The following PXK variants were observed in gnomAD, a reference collection of about 807,000 sequenced individuals.
PXK encodes the protein PX domain-containing protein kinase-like protein.
PXK carries 35 observed loss-of-function variants against 84.7 expected under a neutral mutation model. That is an observed-to-expected ratio of 0.41 (90% CI 0.32 to 0.55). The LOEUF is 0.55. Among genes scored for constraint, PXK ranks in the 20% least tolerant of loss-of-function variants. The pLI, the probability that PXK is intolerant of heterozygous loss-of-function variation, is 0.21. For synonymous variants in PXK, 253 were observed against 260.8 expected (o/e 0.97, Z 0.29); for missense variants, 634 against 699.7 (o/e 0.91, Z 1.06).
At chr3:58,372,950 G>A (rs561054795) in intron 3 of PXK, among the ~76,000 whole-genome samples, 169 of 152,232 alleles carry the variant, frequency 1.1e-3, no homozygotes, top group African/African-American at 3.9e-3. Flanking sequence ...AGCATACAAC[G>A]AAGGGAAAGA....
At chr3:58,406,684 A>G (rs11706420) in intron 13 of PXK, among the ~76,000 whole-genome samples, 10,683 of 152,238 alleles carry the variant, frequency 0.07, 476 homozygotes, top group South Asian at 0.1. Flanking sequence ...AGGTCTCTAG[A>G]GCTTACAACC....
At chr3:58,402,277 T>A (rs1218099731) in intron 12 of PXK, among the ~76,000 whole-genome samples, 5 of 127,262 alleles carry the variant, frequency 3.9e-5, no homozygotes, top group African/African-American at 1.1e-4. Flanking sequence ...TCTCCCCCCT[T>A]CTTCTTTTTG....
At chr3:58,408,577 C>T (rs988954153) in intron 13 of PXK, among the ~76,000 whole-genome samples, 2 of 150,824 alleles carry the variant, frequency 1.3e-5, no homozygotes, top group Admixed American at 1.3e-4. Context: ...GGCTGGAGTG[C>T]AGTGGCGTGA....
chr3:58,334,716 G>A (rs988347031), intron 1 of PXK, among the ~76,000 whole-genome samples: 2 of 152,118 alleles, frequency 1.3e-5, no homozygotes, highest in Admixed American at 6.6e-5. Context: ...AAGAGGAGGG[G>A]CACTTCTTCC....
intron 3 of PXK, among the ~76,000 whole-genome samples, chr3:58,377,940 C>G (rs1203229704): frequency 1.3e-5 from 2 of 152,176 alleles, no homozygotes; most frequent in African/African-American, 2.4e-5. Context: ...TTGGCAGTAC[C>G]AGGTGCTGCC....
chr3:58,396,090 T>C (rs1452046308), intron 9 of PXK, among the ~76,000 whole-genome samples: 1 of 152,214 alleles, frequency 6.6e-6, no homozygotes, highest in Non-Finnish European at 1.5e-5. Context: ...TGCATAGCCA[T>C]ATGGCTCCCT....
chr3:58,398,123 A>C lies in PXK; in HGVS notation c.1102+401A>C, dbSNP rs371089172. ...AGACTTGTAAGAAACAAGAGAGGCC[A>C]GGCATGGTGGCTCACACCTGTAATC... On this transcript the variant is annotated intron_variant, in intron 11 of 17. Coordinates refer to ENST00000356151, the MANE Select transcript of PXK (RefSeq NM_017771.5). The surrounding 1 kb of genome is among the most constrained non-coding windows in gnomAD (Gnocchi z 4.5). Among the ~76,000 whole-genome samples, 8 of 152,316 alleles carry C rather than the reference A, an allele frequency of 5.3e-5. No homozygotes were observed. Among genetic ancestry groups the C allele is most frequent in the Admixed American group, 2.0e-4 (3 of 15,290 alleles).
At chr3:58,377,945 G>C (rs1397045310) in intron 3 of PXK, among the ~76,000 whole-genome samples, 2 of 152,194 alleles carry the variant, frequency 1.3e-5, no homozygotes, top group Non-Finnish European at 2.9e-5. Context: ...AGTACCAGGT[G>C]CTGCCCCCAG....
chr3:58,354,681 C>T (rs1485363690), intron 1 of PXK, among the ~76,000 whole-genome samples: 1 of 151,962 alleles, frequency 6.6e-6, no homozygotes, highest in African/African-American at 2.4e-5. Flanking sequence ...AACTCCTGAC[C>T]TTGTGAATCG....
chr3:58,350,047 A>C (rs1559882292), intron 1 of PXK, among the ~76,000 whole-genome samples: 1 of 152,222 alleles, frequency 6.6e-6, no homozygotes, highest in Non-Finnish European at 1.5e-5. Flanking sequence ...CACAGTGTAG[A>C]AGCAAAACAG....
intron 1 of PXK, among the ~76,000 whole-genome samples, chr3:58,346,985 C>T (rs945552573): frequency 2.0e-5 from 3 of 152,104 alleles, no homozygotes; most frequent in Non-Finnish European, 4.4e-5. Flanking sequence ...ACTACAGGCG[C>T]GTGCCACCAT....
Position 58,401,656 on chromosome 3 carries a change from G to T in PXK, c.1182-2206G>T, listed in dbSNP as rs571054642. Among the ~76,000 whole-genome samples the T allele has an allele frequency of 9.3e-4, 140 of 151,168 alleles. No homozygotes were observed. Among genetic ancestry groups the T allele is most frequent in the African/African-American group, 3.3e-3 (136 of 41,204 alleles). ...TAAAACAAAGTGAGGGGCAGGCGTG[G>T]TGGCTCATGCCTGTAATCCCAGCAC... On this transcript the variant is annotated intron_variant, in intron 12 of 17. Transcript: ENST00000356151. The surrounding 1 kb of genome is among the most constrained non-coding windows in gnomAD (Gnocchi z 4.4).
chr3:58,386,618 G>A (rs1435366121), intron 4 of PXK, among the ~76,000 whole-genome samples: 8 of 152,018 alleles, frequency 5.3e-5, no homozygotes, highest in Non-Finnish European at 2.9e-5. Flanking sequence ...TTTTTAACAA[G>A]GTACTTCTAT....
chr3:58,403,532 C>T (rs369359225), intron 12 of PXK, among the ~76,000 whole-genome samples: 10 of 152,190 alleles, frequency 6.6e-5, no homozygotes, highest in African/African-American at 2.4e-4. Flanking sequence ...AAATATCTAC[C>T]GCATATATTA....
chr3:58,420,576 A>T, intron 17 of PXK: 2 of 1,536,066 alleles, frequency 1.3e-6, no homozygotes, highest in Non-Finnish European at 1.7e-6. Flanking sequence ...TCGGTAAAGT[A>T]AACTATGCTG....
At chr3:58,423,500 T>G (rs1367709253) in intron 17 of PXK, 2 of 1,534,938 alleles carry the variant, frequency 1.3e-6, no homozygotes, top group African/African-American at 1.4e-5. Context: ...GAAAGGTAAG[T>G]GATTTTCTAT....
chr3:58,386,995 T>C (rs1307771864), intron 4 of PXK, among the ~76,000 whole-genome samples: 1 of 152,210 alleles, frequency 6.6e-6, no homozygotes, highest in Non-Finnish European at 1.5e-5. Flanking sequence ...TTGCAGGCCT[T>C]TCTGCAGTGC....
At chr3:58,343,964 C>T (rs2097776538) in intron 1 of PXK, among the ~76,000 whole-genome samples, 1 of 152,142 alleles carries the variant, frequency 6.6e-6, no homozygotes, top group African/African-American at 2.4e-5. Flanking sequence ...TCATTTTATA[C>T]ACCTATTATT....
At chr3:58,418,739 G>C (rs1298420848) in intron 17 of PXK, among the ~76,000 whole-genome samples, 1 of 152,184 alleles carries the variant, frequency 6.6e-6, no homozygotes, top group Non-Finnish European at 1.5e-5. Context: ...AGCTGTTCTT[G>C]CTTGTAGTTT....
Sources: gnomAD v4.1 joint callset for allele counts (sites outside exome capture counted in the v4.1 genomes callset) on GRCh38, gnomAD v4.1.1 for gene constraint, Gnocchi (gnomAD v3.1) non-coding constraint, MANE v1.5 for transcripts, NCBI Gene and HGNC (gene_info 2026-07-23, HGNC 2026-07-21) for gene names.